Variants in EIF2AK2 observed in about 807,000 individuals in gnomAD.
EIF2AK2 encodes eukaryotic translation initiation factor 2 alpha kinase 2.
EIF2AK2 carries 40 observed loss-of-function variants against 70.5 expected under a neutral mutation model. The observed-to-expected ratio is 0.57, with a 90% CI of 0.44 to 0.74. The LOEUF is 0.74. EIF2AK2 is among the 30% of genes least tolerant of loss of function. The pLI is 0.00. For synonymous variants in EIF2AK2, 198 were observed against 220.9 expected (o/e 0.90, Z 0.92); for missense variants, 555 against 644.3 (o/e 0.86, Z 1.50).
In EIF2AK2 at chr2:37,104,140, A is replaced by AAAAC. The variant is rs976408140; in HGVS notation, c.*3129_*3132dup. ...GGGCGACACAGTGAGACTCTGTCTCAAAACAAACAAACAAACAAAAACAAA... is the reference window on the plus strand; with the variant it reads ...GGGCGACACAGTGAGACTCTGTCTCAAAACAAACAAACAAACAAACAAAAACAAA... On this transcript the variant is annotated 3_prime_UTR_variant, in exon 17 of 17. Coordinates refer to ENST00000233057, the MANE Select transcript of EIF2AK2 (RefSeq NM_001135651.3). The AAAAC allele has an allele frequency of 6.6e-6, 1 of 152,180 alleles. No individual in the cohort carries two copies. The highest frequency in any genetic ancestry group is 1.9e-4 in the East Asian group (1 of 5,198). 9.4% of individuals were successfully genotyped at this position (152,180 alleles called of 1,614,324 possible). A position where few individuals can be genotyped will look rare whatever the true frequency, so the allele number is the denominator to read the frequency against.
At chr2:37,127,035 T>C (rs1169185041) in intron 10 of EIF2AK2, among the ~76,000 whole-genome samples, 1 of 139,618 alleles carries the variant, frequency 7.2e-6, no homozygotes, top group East Asian at 2.2e-4. Context: ...ATACAAAATG[T>C]TCAAAGGAAC....
chr2:37,156,426 G>A (rs1675930412), intron 1 of EIF2AK2, among the ~76,000 whole-genome samples: 1 of 152,122 alleles, frequency 6.6e-6, no homozygotes, highest in African/African-American at 2.4e-5. Context: ...GTGAGGATAC[G>A]GAGTGGGAAC....
intron 12 of EIF2AK2, 114 bp downstream of exon 12, chr2:37,122,392 A>G (rs1674586870): frequency 8.7e-7 from 1 of 1,154,808 alleles, no homozygotes; most frequent in Non-Finnish European, 1.2e-6. Flanking sequence ...TGTCTCTCAG[A>G]GGGAATTGTG....
intron 4 of EIF2AK2, among the ~76,000 whole-genome samples, chr2:37,145,818 C>T (rs370575762): frequency 7.0e-5 from 9 of 129,232 alleles, no homozygotes; most frequent in African/African-American, 1.5e-4. Flanking sequence ...AGTGGCACAA[C>T]CTCAGCTCAC....
At chr2:37,131,040 G>T (rs1038175557) in intron 10 of EIF2AK2, among the ~76,000 whole-genome samples, 1 of 152,126 alleles carries the variant, frequency 6.6e-6, no homozygotes, top group Non-Finnish European at 1.5e-5. Context: ...AAGACAAAAA[G>T]GGACTTATTT....
chr2:37,155,746 G>A (rs1002123771), intron 1 of EIF2AK2, among the ~76,000 whole-genome samples: 3 of 152,016 alleles, frequency 2.0e-5, no homozygotes, highest in African/African-American at 7.3e-5. Flanking sequence ...ACTACATACA[G>A]CCTGGCCAAC....
intron 13 of EIF2AK2, among the ~76,000 whole-genome samples, chr2:37,117,871 T>C (rs145297881): frequency 3.5e-4 from 54 of 152,312 alleles, no homozygotes; most frequent in African/African-American, 1.2e-3. Context: ...GACCATTCTC[T>C]GGCAAAACCA....
At chr2:37,117,756 G>A (rs145468751) in intron 13 of EIF2AK2, among the ~76,000 whole-genome samples, 1 of 152,090 alleles carries the variant, frequency 6.6e-6, no homozygotes, top group Non-Finnish European at 1.5e-5. Context: ...CCTCACTCCA[G>A]AAACCCCTAT....
chr2:37,121,357 G>C (rs894161765), intron 12 of EIF2AK2, among the ~76,000 whole-genome samples: 1 of 148,332 alleles, frequency 6.7e-6, no homozygotes, highest in Non-Finnish European at 1.5e-5. Flanking sequence ...CTAACAGATA[G>C]AAATAGGAAC....
At chr2:37,147,656 T>C (rs757119061) in intron 3 of EIF2AK2, 32 bp downstream of exon 3, 7 of 1,399,352 alleles carry the variant, frequency 5.0e-6, no homozygotes, top group South Asian at 4.6e-5. Context: ...TCATTTTTTA[T>C]GGCTGCCATA....
rs1185096035 is a variant in EIF2AK2, at chr2:37,102,833, T to A, written c.*4440A>T. On this transcript the variant is annotated 3_prime_UTR_variant, in exon 17 of 17. Coordinates refer to ENST00000233057, the MANE Select transcript of EIF2AK2 (RefSeq NM_001135651.3). ...TATATATGCATATATTGTGTACATA[T>A]GTATATACATTGAATATATTTAACA... is the stretch of plus-strand genomic sequence containing the variant. 6.6e-6 allele frequency: 1 copy of A among 152,224 alleles called. No homozygotes were observed. The highest frequency in any genetic ancestry group is 1.5e-5 in the Non-Finnish European group (1 of 68,038). 9.4% of individuals were successfully genotyped at this position (152,224 alleles called of 1,614,324 possible).
At chr2:37,112,708 G>A (rs1674201340) in intron 14 of EIF2AK2, among the ~76,000 whole-genome samples, 1 of 152,186 alleles carries the variant, frequency 6.6e-6, no homozygotes, top group Non-Finnish European at 1.5e-5. Context: ...ACACATCTAT[G>A]AATGTGTGGG....
intron 10 of EIF2AK2, among the ~76,000 whole-genome samples, chr2:37,127,233 C>T (rs1028966158): frequency 2.0e-5 from 3 of 152,086 alleles, no homozygotes; most frequent in East Asian, 3.9e-4. Flanking sequence ...CTGCCTCCAA[C>T]ATCTTCACCC....
chr2:37,134,028 C>T (rs1675038953), intron 10 of EIF2AK2, among the ~76,000 whole-genome samples: 1 of 152,194 alleles, frequency 6.6e-6, no homozygotes, highest in African/African-American at 2.4e-5. Context: ...GCTAACTCTT[C>T]CTTTGCTCCA....
chr2:37,123,099 C>T (rs919394544), intron 11 of EIF2AK2, among the ~76,000 whole-genome samples: 38 of 151,632 alleles, frequency 2.5e-4, no homozygotes, highest in Admixed American at 1.1e-3. Flanking sequence ...ATCCAGGAGG[C>T]GGAGGTTGCA....
intron 1 of EIF2AK2, among the ~76,000 whole-genome samples, chr2:37,156,480 C>A (rs1675932657): frequency 1.3e-5 from 2 of 152,100 alleles, no homozygotes; most frequent in South Asian, 2.1e-4. Context: ...CAACTCTCCA[C>A]GGAAGAGATT....
At chr2:37,141,069 T>C (rs1030537958) in intron 5 of EIF2AK2, among the ~76,000 whole-genome samples, 8 of 152,246 alleles carry the variant, frequency 5.3e-5, no homozygotes, top group Admixed American at 4.6e-4. Context: ...GGTCTCCTCA[T>C]AGTCTAGGGC....
Position 37,146,983 on chromosome 2 carries a change from A to C in EIF2AK2, c.120-10T>G. On this transcript the variant is annotated splice_polypyrimidine_tract_variant and intron_variant, in intron 3 of 16. Coordinates refer to ENST00000233057, the MANE Select transcript of EIF2AK2 (RefSeq NM_001135651.3). ...AACTTGAAATGTAAACCTGATTACA[A>C]AGAGAATATTCATAAAATATTATAC... 7.5e-6 allele frequency: 12 copies of C among 1,604,246 alleles called. No individual in the cohort carries two copies. Among genetic ancestry groups the C allele is most frequent in the Non-Finnish European group, 1.0e-5 (12 of 1,175,368 alleles).
intron 1 of EIF2AK2, among the ~76,000 whole-genome samples, chr2:37,150,779 G>T (rs985224272): frequency 6.6e-6 from 1 of 152,168 alleles, no homozygotes; most frequent in Non-Finnish European, 1.5e-5. Flanking sequence ...ATGAAATCAT[G>T]AAGGATTTAA....
Sources: gnomAD v4.1 joint callset for allele counts (sites outside exome capture counted in the v4.1 genomes callset) on GRCh38, gnomAD v4.1.1 for gene constraint, MANE v1.5 for transcripts, NCBI Gene and HGNC (gene_info 2026-07-23, HGNC 2026-07-21) for gene names.